RSBN1L: variants seen among roughly 807,000 people sequenced by gnomAD.
The protein encoded by RSBN1L is round spermatid basic protein 1 like.
Under a neutral mutation model 67.7 loss-of-function variants are expected in RSBN1L, and 30 were observed. That is an observed-to-expected ratio of 0.44 (90% CI 0.33 to 0.60). The LOEUF (loss-of-function observed/expected upper bound fraction) is 0.60. Among genes scored for constraint, RSBN1L ranks in the 20% least tolerant of loss-of-function variants. The pLI, the probability that RSBN1L is intolerant of heterozygous loss-of-function variation, is 0.02. For missense variants in RSBN1L, 992 were observed against 1,031.7 expected (o/e 0.96, Z 0.53); for synonymous variants, 433 against 387.0 (o/e 1.12, Z -1.39).
intron 1 of RSBN1L, 167 bp downstream of exon 1, chr7:77,697,222 G>A (rs1235816631): frequency 4.7e-6 from 3 of 637,540 alleles, no homozygotes; most frequent in South Asian, 6.8e-5. Flanking sequence ...CAAGGGGACA[G>A]GAAATGGAGC....
chr7:77,749,127 T>A (rs1351411198), intron 2 of RSBN1L, among the ~76,000 whole-genome samples: 1 of 152,040 alleles, frequency 6.6e-6, no homozygotes, highest in African/African-American at 2.4e-5. Flanking sequence ...GGTGACGCGC[T>A]CCTGTAATCC....
At chr7:77,731,218 T>G (rs1422457149) in intron 1 of RSBN1L, among the ~76,000 whole-genome samples, 1 of 152,162 alleles carries the variant, frequency 6.6e-6, no homozygotes, top group Non-Finnish European at 1.5e-5. Context: ...TTTTTTGGTT[T>G]GTTTGTTTTT....
rs1790804551 is a variant in RSBN1L, at chr7:77,700,696, TC to T, written c.586+3642del. Among the ~76,000 whole-genome samples, 3 of 152,236 alleles carry T rather than the reference TC, an allele frequency of 2.0e-5. No homozygotes were observed. In the East Asian group the frequency reaches 5.8e-4, roughly 29 times the overall value. ...GGAATAATTTACTATGATTTTATTT[TC>T]TTGTGTAACCTTTTGTTTTTCATGT... On this transcript the variant is annotated intron_variant, in intron 1 of 7. Coordinates refer to ENST00000334955, the MANE Select transcript of RSBN1L (RefSeq NM_198467.3).
At position 77,773,283 on chromosome 7, in the gene RSBN1L, G is replaced by C; in HGVS notation, c.1762G>C (p.Gly588Arg). 6.2e-7 allele frequency: 1 copy of C among 1,608,428 alleles called. No homozygotes were observed. Among genetic ancestry groups the C allele is most frequent in the Non-Finnish European group, 8.5e-7 (1 of 1,177,656 alleles). The stretch of plus-strand genomic sequence containing the variant: ...TGAACGACAGACTACAGCTGCTGTT[G>C]GAGTGCTGAAGGCTGTGCACTGTGG... ...GFERQTTAAV[G>R]VLKAVHCGEW... is the part of the protein sequence containing the mutation. The change falls in exon 6 of 8, where the codon GGA becomes CGA. Residue 588 changes from glycine (G) to arginine (R), a missense_variant. Around this residue, in one of 7 missense-constraint regions of RSBN1L, gnomAD observed 31 missense variants for 24.5 expected, o/e 1.26. Transcript: ENST00000334955.
intron 1 of RSBN1L, among the ~76,000 whole-genome samples, chr7:77,700,139 C>G (rs1790796582): frequency 6.6e-6 from 1 of 152,114 alleles, no homozygotes; most frequent in African/African-American, 2.4e-5. Flanking sequence ...GATTTTAGTG[C>G]TTACGGAGGT....
intron 3 of RSBN1L, among the ~76,000 whole-genome samples, chr7:77,763,434 G>A (rs756076332): frequency 2.0e-5 from 3 of 152,172 alleles, no homozygotes; most frequent in Non-Finnish European, 2.9e-5. Context: ...TCACTTAACA[G>A]ACTTGATGTG....
At chr7:77,710,915 C>T (rs1354736618) in intron 1 of RSBN1L, among the ~76,000 whole-genome samples, 5 of 152,054 alleles carry the variant, frequency 3.3e-5, no homozygotes, top group South Asian at 2.1e-4. Flanking sequence ...TTTAGTAACT[C>T]GTTTGTCATC....
Position 77,736,445 on chromosome 7 carries a change from GAA to G in RSBN1L, c.626_627del (p.Lys209ArgfsTer8). 1 of 1,119,260 alleles carries G rather than the reference GAA, an allele frequency of 8.9e-7. No individual in the cohort carries two copies. The highest frequency in any genetic ancestry group is 1.3e-6 in the Non-Finnish European group (1 of 796,714). 69.3% of individuals were successfully genotyped at this position (1,119,260 alleles called of 1,614,324 possible). A position where few individuals can be genotyped will look rare whatever the true frequency, so the allele number is the denominator to read the frequency against. On this transcript the variant is annotated frameshift_variant, in exon 2 of 8. Transcript: ENST00000334955. LOFTEE classifies it high-confidence loss of function. Reference protein sequence around the residue: ...IKDKIKERDKEKEREKKKHKV... With the variant: ...IKDKIKERDKXKEREKKKHKV... ...AGACAAAATTAAAGAGAGAGACAAA[GAA>G]AAAGAAAGAGAAAAAAAGAAACATA...
intron 5 of RSBN1L, among the ~76,000 whole-genome samples, chr7:77,771,392 C>T (rs1335615875): frequency 1.3e-5 from 2 of 152,006 alleles, no homozygotes; most frequent in East Asian, 3.9e-4. Context: ...GGGTTTGTTA[C>T]TAATGTTTCT....
intron 6 of RSBN1L, among the ~76,000 whole-genome samples, chr7:77,774,399 A>G (rs950353866): frequency 2.0e-5 from 3 of 151,926 alleles, no homozygotes; most frequent in Non-Finnish European, 4.4e-5. Flanking sequence ...ACCAGCCTGG[A>G]CAACATGGTG....
At chr7:77,738,948 A>G (rs1215988918) in intron 2 of RSBN1L, among the ~76,000 whole-genome samples, 1 of 152,198 alleles carries the variant, frequency 6.6e-6, no homozygotes, top group Non-Finnish European at 1.5e-5. Flanking sequence ...CAAAAAAACA[A>G]AAAACAAAAA....
intron 1 of RSBN1L, among the ~76,000 whole-genome samples, chr7:77,700,159 G>A (rs1024072424): frequency 6.6e-6 from 1 of 152,162 alleles, no homozygotes; most frequent in East Asian, 1.9e-4. Flanking sequence ...TAATTTACTG[G>A]AGAGTTAATC....
At chr7:77,740,980 CTTTTCTTTTTT>C (rs915239752) in intron 2 of RSBN1L, among the ~76,000 whole-genome samples, 19 of 131,814 alleles carry the variant, frequency 1.4e-4, no homozygotes, top group African/African-American at 5.6e-4. Flanking sequence ...TTTTTCTTTT[CTTTTCTTTTTT>C]TTTTTTTTTT....
At chr7:77,703,945 G>A (rs899955591) in intron 1 of RSBN1L, among the ~76,000 whole-genome samples, 58 of 152,170 alleles carry the variant, frequency 3.8e-4, no homozygotes, top group Admixed American at 3.1e-3. Flanking sequence ...GTGCAACCAC[G>A]CCCCGATACA....
rs1791999577 is a variant in RSBN1L, at chr7:77,781,684, T to C, written c.*2516T>C. 6.6e-6 allele frequency: 1 copy of C among 152,136 alleles called. No homozygotes were observed. Among genetic ancestry groups the C allele is most frequent in the East Asian group, 1.9e-4 (1 of 5,192 alleles). The allele number at this position is 152,136 out of a possible 1,614,324, so 9.4% of individuals were successfully genotyped here. On this transcript the variant is annotated 3_prime_UTR_variant, in exon 8 of 8. Coordinates refer to ENST00000334955, the MANE Select transcript of RSBN1L (RefSeq NM_198467.3). ...TATCTATAATATGAAAATTTAATTG[T>C]TTTAAAAATGCATACATCGGCCGGG...
chr7:77,749,738 T>C lies in RSBN1L; in HGVS notation c.1018T>C (p.Leu340=), dbSNP rs1453252832. Residue 340 remains leucine (L), a synonymous_variant, in exon 3 of 8, where the codon TTG becomes CTG. Coordinates refer to ENST00000334955, the MANE Select transcript of RSBN1L (RefSeq NM_198467.3). ...ACGAGTTCAGAATAACCTCAAAAGG[T>C]TGGACACTTTGGAATTTAAACAACT... is the stretch of plus-strand genomic sequence containing the variant. ...EPRVQNNLKR[L]DTLEFKQLIH... is the part of the protein sequence containing the mutation. 7 of 1,614,018 alleles carry C rather than the reference T, an allele frequency of 4.3e-6. No homozygotes were observed. The African/African-American group carries it at 5.3e-5, about 12-fold the overall frequency.
intron 4 of RSBN1L, 70 bp downstream of exon 4, chr7:77,765,702 T>C (rs1791757566): frequency 9.0e-7 from 1 of 1,115,700 alleles, no homozygotes; most frequent in Non-Finnish European, 1.3e-6. Context: ...ATATGAGTAA[T>C]CTAAATTGTG....
At chr7:77,723,135 T>A (rs1194376104) in intron 1 of RSBN1L, among the ~76,000 whole-genome samples, 1 of 151,862 alleles carries the variant, frequency 6.6e-6, no homozygotes, top group Non-Finnish European at 1.5e-5. Context: ...CCTGGCTAAT[T>A]TTGTATTTTT....
chr7:77,729,740 G>C (rs547824276), intron 1 of RSBN1L, among the ~76,000 whole-genome samples: 1 of 152,260 alleles, frequency 6.6e-6, no homozygotes, highest in African/African-American at 2.4e-5. Context: ...GAGTGTTTGA[G>C]CACAGGAGTT....
Sources: allele counts gnomAD v4.1 joint callset (sites outside exome capture counted in the v4.1 genomes callset), GRCh38; gene constraint gnomAD v4.1.1; regional missense constraint gnomAD v4.1.1; transcripts MANE v1.5; gene names NCBI Gene and HGNC (gene_info 2026-07-23, HGNC 2026-07-21).